The following ANKH variants were observed in gnomAD, a reference collection of about 807,000 sequenced individuals.
The protein encoded by ANKH is mineralization regulator ANKH.
Under a neutral mutation model 49.0 loss-of-function variants are expected in ANKH, and 15 were observed. The ratio of observed to expected loss-of-function variants is 0.31; its 90% CI spans 0.20 to 0.47. The LOEUF (loss-of-function observed/expected upper bound fraction) is 0.47, where lower values mean the gene tolerates loss of function less well. Ranked by LOEUF, ANKH falls within the 20% of genes least tolerant of loss-of-function variation. The pLI is 1.00. For missense variants in ANKH, 429 were observed against 652.0 expected (o/e 0.66, Z 3.72); for synonymous variants, 273 against 260.0 (o/e 1.05, Z -0.48).
chr5:14,734,682 G>C (rs566186199), intron 8 of ANKH, among the ~76,000 whole-genome samples: 3 of 152,316 alleles, frequency 2.0e-5, no homozygotes, highest in East Asian at 3.9e-4. Flanking sequence ...TGAGCAGTGC[G>C]TGTCTGCAGG....
Position 14,737,217 on chromosome 5 carries a change from T to C in ANKH, c.1011+4610A>G, listed in dbSNP as rs1738215351. ...AGGAATAGGGAGGTCCGTCACTCTT[T>C]TGGGACATTTCTTCCCCACCAAAAG... On this transcript the variant is annotated intron_variant, in intron 8 of 11. Coordinates refer to ENST00000284268, the MANE Select transcript of ANKH (RefSeq NM_054027.6). The surrounding 1 kb of genome is among the most constrained non-coding windows in gnomAD (Gnocchi z 5.0). Among the ~76,000 whole-genome samples the C allele has an allele frequency of 6.6e-6, 1 of 152,186 alleles. No homozygotes were observed. The highest frequency in any genetic ancestry group is 2.1e-4 in the South Asian group (1 of 4,826).
chr5:14,713,990 C>T lies in ANKH; in HGVS notation c.1142-323G>A, dbSNP rs1264893879. On this transcript the variant is annotated intron_variant, in intron 9 of 11. Coordinates refer to ENST00000284268, the MANE Select transcript of ANKH (RefSeq NM_054027.6). This position sits in a 1 kb window ranked among gnomAD's most constrained non-coding sequence, Gnocchi z 4.4. ...CTGTCCCCACACTTGGCCAGCCTCG[C>T]CCTCTGATCATCTACCTCTAGAAGA... Among the ~76,000 whole-genome samples the T allele has an allele frequency of 6.6e-6, 1 of 152,264 alleles. No individual in the cohort carries two copies. Among genetic ancestry groups the T allele is most frequent in the Admixed American group, 6.5e-5 (1 of 15,290 alleles).
intron 4 of ANKH, among the ~76,000 whole-genome samples, chr5:14,751,673 T>C (rs1294456055): frequency 1.3e-5 from 2 of 152,062 alleles, no homozygotes; most frequent in African/African-American, 4.8e-5. Flanking sequence ...TGAAACCCAT[T>C]AACTTAGTAA....
chr5:14,761,910 C>T (rs577857766), intron 2 of ANKH, among the ~76,000 whole-genome samples: 123 of 152,230 alleles, frequency 8.1e-4, no homozygotes, highest in African/African-American at 2.8e-3. Flanking sequence ...GGACTACAGA[C>T]GTGTGCCACC....
rs115140708 is a variant in ANKH at position 14,783,062 on chromosome 5, T to C, written c.97-13871A>G. 5.2e-3 allele frequency among the ~76,000 whole-genome samples: 788 copies of C among 152,272 alleles called. 5 individuals are homozygous for C. The highest frequency in any genetic ancestry group is 0.018 in the African/African-American group (766 of 41,550). ...TCCGTTAGAACTCACTATTGGTATT[T>C]ATGTAACTGGCACGCATCAAGTTTT... On this transcript the variant is annotated intron_variant, in intron 1 of 11. Coordinates refer to ENST00000284268, the MANE Select transcript of ANKH (RefSeq NM_054027.6).
intron 9 of ANKH, among the ~76,000 whole-genome samples, chr5:14,715,989 G>A (rs534066478): frequency 3.6e-4 from 55 of 152,180 alleles, no homozygotes; most frequent in Non-Finnish European, 6.6e-4. Context: ...TTAGCAATAC[G>A]CTCACTCTAT....
intron 1 of ANKH, among the ~76,000 whole-genome samples, chr5:14,780,053 CTTT>C (rs34249421): frequency 1.1e-4 from 16 of 141,074 alleles, no homozygotes; most frequent in South Asian, 2.3e-4. Flanking sequence ...AGGATAACAG[CTTT>C]TTTTTTTTTT....
rs774153903 is a variant in ANKH, at chr5:14,713,627, C to T, written c.1182G>A (p.Leu394=). ...TGGGGGCAAGGACGAAGGTTTTCTT[C>T]AGTGTCATCAGCCACCCGGTGAGAT... ...RAHLTGWLMT[L]KKTFVLAPSS... is the part of the protein sequence containing the mutation. The change falls in exon 10 of 12, where the codon CTG becomes CTA. Residue 394 remains leucine (L), a synonymous_variant. Coordinates refer to ENST00000284268, the MANE Select transcript of ANKH (RefSeq NM_054027.6). The surrounding 1 kb of genome is among the most constrained non-coding windows in gnomAD (Gnocchi z 4.4). 4 of 1,614,244 alleles carry T rather than the reference C, an allele frequency of 2.5e-6. No homozygotes were observed. Among genetic ancestry groups the T allele is most frequent in the South Asian group, 1.1e-5 (1 of 91,088 alleles).
rs1481888053 is a variant in ANKH at position 14,809,077 on chromosome 5, C to T, written c.97-39886G>A. Among the ~76,000 whole-genome samples, 5 of 123,460 alleles carry T rather than the reference C, an allele frequency of 4.0e-5. No homozygotes were observed. The South Asian group carries it at 1.1e-3, about 27-fold the overall frequency. The allele number at this position is 123,460 out of a possible 152,430, so 81.0% of individuals were successfully genotyped here. ...GAAACCATCATTCTCAGTAAACTAT[C>T]GCAAGAACAAAAAAACCAAACACCG... is the stretch of plus-strand genomic sequence containing the variant. On this transcript the variant is annotated intron_variant, in intron 1 of 11. Coordinates refer to ENST00000284268, the MANE Select transcript of ANKH (RefSeq NM_054027.6).
chr5:14,731,720 G>T (rs74481145), intron 8 of ANKH, among the ~76,000 whole-genome samples: 85 of 152,354 alleles, frequency 5.6e-4, no homozygotes, highest in South Asian at 1.2e-3. Context: ...CCCAGTCCTT[G>T]ACTGGAGCTT....
intron 1 of ANKH, among the ~76,000 whole-genome samples, chr5:14,825,450 C>T (rs1038418386): frequency 4.6e-5 from 7 of 152,208 alleles, no homozygotes; most frequent in African/African-American, 1.7e-4. Context: ...CTCTTGGGCT[C>T]AAGCAATCCT....
rs544074474 is a variant in ANKH, at chr5:14,797,741, C to T, written c.97-28550G>A. On this transcript the variant is annotated intron_variant, in intron 1 of 11. Coordinates refer to ENST00000284268, the MANE Select transcript of ANKH (RefSeq NM_054027.6). The stretch of plus-strand genomic sequence containing the variant: ...TTGCCGTATGCCCTGTAAAGATGGT[C>T]TTCGCATCTACCACTTTTCCCTCCT... The T allele has an allele frequency of 3.3e-5, 53 of 1,610,336 alleles. 1 individual carries two copies. The African/African-American group carries it at 6.0e-4, about 18-fold the overall frequency.
chr5:14,716,907 G>C, intron 8 of ANKH, 72 bp from the exon 9 acceptor site: 1 of 1,583,122 alleles, frequency 6.3e-7, no homozygotes. Context: ...ATCAGGTGTG[G>C]CACAATCCTT....
chr5:14,756,928 A>G (rs1326112523), intron 3 of ANKH, among the ~76,000 whole-genome samples: 1 of 152,192 alleles, frequency 6.6e-6, no homozygotes, highest in Non-Finnish European at 1.5e-5. Context: ...TACCAATTAC[A>G]AATGTTCTGG....
At chr5:14,726,458 G>A (rs1007515757) in intron 8 of ANKH, among the ~76,000 whole-genome samples, 6 of 152,234 alleles carry the variant, frequency 3.9e-5, no homozygotes, top group Admixed American at 6.5e-5. Flanking sequence ...TCCTCGTCAC[G>A]GCTACTGTGA....
At chr5:14,733,827 C>A (rs16903674) in intron 8 of ANKH, among the ~76,000 whole-genome samples, 3,103 of 152,318 alleles carry the variant, frequency 0.02, 117 homozygotes, top group African/African-American at 0.071. Context: ...AGCCAAGAGG[C>A]CAGAGGCGCC....
chr5:14,764,809 A>G (rs1011822017), intron 2 of ANKH, among the ~76,000 whole-genome samples: 1 of 152,242 alleles, frequency 6.6e-6, no homozygotes, highest in Non-Finnish European at 1.5e-5. Flanking sequence ...AATTATTCCA[A>G]TGGCTCACTG....
intron 1 of ANKH, among the ~76,000 whole-genome samples, chr5:14,782,195 G>T (rs1209572180): frequency 1.3e-5 from 2 of 152,200 alleles, no homozygotes; most frequent in East Asian, 3.9e-4. Flanking sequence ...TTTGCATTTG[G>T]ACCTTAAGAA....
At position 14,770,644 on chromosome 5, in the gene ANKH, C is replaced by T. The variant is rs4702052; in HGVS notation, c.97-1453G>A. ...TGGTGAGAGATTTCATTACACTACTCGGAATGGCATGCAATTTAAAACTTA... is the reference window on the plus strand; with the variant it reads ...TGGTGAGAGATTTCATTACACTACTTGGAATGGCATGCAATTTAAAACTTA... On this transcript the variant is annotated intron_variant, in intron 1 of 11. Transcript: ENST00000284268. This position sits in a 1 kb window ranked among gnomAD's most constrained non-coding sequence, Gnocchi z 4.1. 0.097 allele frequency among the ~76,000 whole-genome samples: 14,727 copies of T among 152,158 alleles called. 779 individuals are homozygous for T. Among genetic ancestry groups the T allele is most frequent in the Admixed American group, 0.11 (1,689 of 15,280 alleles).
Sources: allele counts gnomAD v4.1 joint callset (sites outside exome capture counted in the v4.1 genomes callset), GRCh38; gene constraint gnomAD v4.1.1; non-coding constraint Gnocchi (gnomAD v3.1); transcripts MANE v1.5; gene names NCBI Gene and HGNC (gene_info 2026-07-23, HGNC 2026-07-21).